Variants in NKAIN3 observed in about 807,000 individuals in gnomAD.
The protein encoded by NKAIN3 is sodium/potassium-transporting ATPase subunit beta-1-interacting protein 3.
Under a neutral mutation model 30.2 loss-of-function variants are expected in NKAIN3, and 25 were observed. The ratio of observed to expected loss-of-function variants is 0.83; its 90% CI spans 0.60 to 1.16. NKAIN3 has a LOEUF of 1.16. Ranked by LOEUF, NKAIN3 falls within the 50% of genes most tolerant of loss-of-function variation. The pLI is 0.00. For missense variants in NKAIN3, 225 were observed against 254.1 expected (o/e 0.89, Z 0.78); for synonymous variants, 91 against 89.6 (o/e 1.02, Z -0.09).
At chr8:62,816,935 C>A (rs1315038704) in intron 4 of NKAIN3, among the ~76,000 whole-genome samples, 2 of 152,186 alleles carry the variant, frequency 1.3e-5, no homozygotes, top group South Asian at 4.1e-4. Flanking sequence ...AGTTGTGGGG[C>A]TTTTCTGTAG....
chr8:62,965,577 A>ATT lies in NKAIN3; in HGVS notation c.*176_*177dup. ...ATGAGTTCTAGGTGCTTGGGTGGGT[A>ATT]TTTTTTTAGTCGTTTTCTTCTTATA... On this transcript the variant is annotated 3_prime_UTR_variant, in exon 7 of 7. Transcript: ENST00000623646. The ATT allele has an allele frequency of 3.1e-6, 3 of 973,146 alleles. No homozygotes were observed. The highest frequency in any genetic ancestry group is 3.6e-6 in the Non-Finnish European group (3 of 824,912). 60.3% of individuals were successfully genotyped at this position (973,146 alleles called of 1,614,324 possible).
chr8:62,997,911 G>A (rs1250746798), intron 5 of NKAIN3, among the ~76,000 whole-genome samples: 1 of 152,054 alleles, frequency 6.6e-6, no homozygotes, highest in Non-Finnish European at 1.5e-5. Flanking sequence ...AGGGCTTTTT[G>A]GAGTCAGATT....
At chr8:62,480,569 A>G (rs1229843320) in intron 1 of NKAIN3, among the ~76,000 whole-genome samples, 2 of 150,526 alleles carry the variant, frequency 1.3e-5, no homozygotes, top group African/African-American at 2.4e-5. Context: ...AAGAAAAATG[A>G]TTTCCAAGAG....
intron 1 of NKAIN3, among the ~76,000 whole-genome samples, chr8:62,487,253 C>A (rs1337033376): frequency 2.6e-5 from 4 of 152,184 alleles, no homozygotes; most frequent in African/African-American, 4.8e-5. Flanking sequence ...ACACTAAATT[C>A]TGTTTCCAAA....
chr8:62,290,577 C>G (rs1813564446), intron 1 of NKAIN3, among the ~76,000 whole-genome samples: 2 of 152,070 alleles, frequency 1.3e-5, no homozygotes, highest in South Asian at 4.1e-4. Context: ...GCCTTGCATC[C>G]CAGGGATGAG....
intron 1 of NKAIN3, among the ~76,000 whole-genome samples, chr8:62,307,233 T>G (rs1362087536): frequency 6.7e-6 from 1 of 148,450 alleles, no homozygotes; most frequent in African/African-American, 2.6e-5. Context: ...ACACAGCTTT[T>G]TGTCCCCTTA....
chr8:62,875,681 A>AC (rs1820775305), intron 4 of NKAIN3, among the ~76,000 whole-genome samples: 1 of 152,092 alleles, frequency 6.6e-6, no homozygotes, highest in African/African-American at 2.4e-5. Context: ...CAAATCTACA[A>AC]CCATCTGATC....
Position 62,983,249 on chromosome 8 carries a change from A to C in NKAIN3, c.*17842A>C, listed in dbSNP as rs756947855. 6.6e-6 allele frequency: 1 copy of C among 152,100 alleles called. No individual in the cohort carries two copies. The highest frequency in any genetic ancestry group is 1.5e-5 in the Non-Finnish European group (1 of 68,034). The allele number at this position is 152,100 out of a possible 1,614,324, so 9.4% of individuals were successfully genotyped here. The stretch of plus-strand genomic sequence containing the variant: ...GCACTAGAAATATAAAGCAAAAAAA[A>C]CAGATTCTACCCACCGGGAGCTCCT... On this transcript the variant is annotated 3_prime_UTR_variant, in exon 7 of 7. Transcript: ENST00000623646.
intron 3 of NKAIN3, among the ~76,000 whole-genome samples, chr8:62,662,192 C>G (rs1198506354): frequency 6.6e-6 from 1 of 152,202 alleles, no homozygotes; most frequent in Admixed American, 6.5e-5. Flanking sequence ...AGCACTAACC[C>G]CAGCACCATC....
At chr8:62,493,375 T>C (rs1283428367) in intron 1 of NKAIN3, among the ~76,000 whole-genome samples, 1 of 152,156 alleles carries the variant, frequency 6.6e-6, no homozygotes, top group Non-Finnish European at 1.5e-5. Flanking sequence ...TCTGCTCCAC[T>C]TGTCTATGTG....
chr8:62,364,592 C>A (rs930464343), intron 1 of NKAIN3, among the ~76,000 whole-genome samples: 1 of 151,926 alleles, frequency 6.6e-6, no homozygotes, highest in African/African-American at 2.4e-5. Context: ...CCTGTAATCC[C>A]AGCACTTTGG....
intron 1 of NKAIN3, among the ~76,000 whole-genome samples, chr8:62,378,786 C>G (rs1307127524): frequency 2.0e-5 from 3 of 152,044 alleles, no homozygotes; most frequent in Admixed American, 1.3e-4. Flanking sequence ...GGGATGGAGC[C>G]CTCATGGAGA....
intron 3 of NKAIN3, among the ~76,000 whole-genome samples, chr8:62,654,813 CAAGGCAAACAAACAAAAAAGAGGA>C (rs1229025679): frequency 1.3e-5 from 2 of 151,788 alleles, no homozygotes; most frequent in African/African-American, 4.8e-5. Flanking sequence ...GAATTAAAAA[CAAGGCAAACAAACAAAAAAGAGGA>C]ACTCATGAGA....
At chr8:62,290,412 G>A (rs879208148) in intron 1 of NKAIN3, among the ~76,000 whole-genome samples, 4 of 152,106 alleles carry the variant, frequency 2.6e-5, no homozygotes, top group Non-Finnish European at 4.4e-5. Context: ...TTTGAGATAC[G>A]TCCCAGCGAT....
intron 4 of NKAIN3, among the ~76,000 whole-genome samples, chr8:62,793,820 C>A (rs1007537438): frequency 6.6e-6 from 1 of 152,096 alleles, no homozygotes; most frequent in Non-Finnish European, 1.5e-5. Flanking sequence ...ATGTCATTAC[C>A]CAGAATGTCT....
chr8:62,659,054 G>T (rs1419198030), intron 3 of NKAIN3, among the ~76,000 whole-genome samples: 1 of 152,116 alleles, frequency 6.6e-6, no homozygotes, highest in South Asian at 2.1e-4. Context: ...CACCCTCCAG[G>T]TGCCCATTTT....
At chr8:62,643,362 G>A (rs1350715891) in intron 3 of NKAIN3, among the ~76,000 whole-genome samples, 2 of 152,130 alleles carry the variant, frequency 1.3e-5, no homozygotes, top group Admixed American at 1.3e-4. Flanking sequence ...CCTCCCAAAG[G>A]AGGAGTTGGC....
intron 1 of NKAIN3, among the ~76,000 whole-genome samples, chr8:62,317,079 G>T (rs1814663721): frequency 6.6e-6 from 1 of 152,148 alleles, no homozygotes; most frequent in Non-Finnish European, 1.5e-5. Context: ...GTCTTCTTTT[G>T]AGAAGTGTCT....
chr8:62,458,150 G>C (rs979023371), intron 1 of NKAIN3, among the ~76,000 whole-genome samples: 1 of 152,116 alleles, frequency 6.6e-6, no homozygotes, highest in African/African-American at 2.4e-5. Context: ...GTCTAACTCT[G>C]TCAAGATTAA....
Sources: allele counts gnomAD v4.1 joint callset (sites outside exome capture counted in the v4.1 genomes callset), GRCh38; gene constraint gnomAD v4.1.1; transcripts MANE v1.5; gene names NCBI Gene and HGNC (gene_info 2026-07-23, HGNC 2026-07-21).